Variants in ARHGDIG observed in about 807,000 individuals in gnomAD.
The protein encoded by ARHGDIG is rho GDP-dissociation inhibitor 3.
ARHGDIG carries 14 observed loss-of-function variants against 20.2 expected under a neutral mutation model. The ratio of observed to expected loss-of-function variants is 0.69; its 90% confidence interval spans 0.46 to 1.08. The LOEUF is 1.08. Among genes scored for constraint, ARHGDIG ranks in the 50% least tolerant of loss-of-function variants. ARHGDIG has a pLI of 0.00. For synonymous variants in ARHGDIG, 193 were observed against 138.6 expected (o/e 1.39, Z -2.76); for missense variants, 311 against 301.8 (o/e 1.03, Z -0.23).
intron 1 of ARHGDIG, chr16:281,264 C>G (rs537708300): frequency 1.3e-5 from 2 of 158,086 alleles, no homozygotes; most frequent in South Asian, 2.0e-4. Context: ...TTCAGAGACC[C>G]CAGTCCAGAG....
Position 282,899 on chromosome 16 carries a change from A to T in ARHGDIG, c.*85A>T, listed in dbSNP as rs2052302992. 1 of 1,357,890 alleles carries T rather than the reference A, an allele frequency of 7.4e-7. No homozygotes were observed. Among genetic ancestry groups the T allele is most frequent in the Non-Finnish European group, 9.8e-7 (1 of 1,016,282 alleles). The allele number at this position is 1,357,890 out of a possible 1,614,324, so 84.1% of individuals were successfully genotyped here. On this transcript the variant is annotated 3_prime_UTR_variant, in exon 6 of 6. Coordinates refer to ENST00000219409, the MANE Select transcript of ARHGDIG (RefSeq NM_001176.4). ...CCCAGCACCCCCCGTGAGTGACCAGACCCTCCCCTGCTGCCCCTGCTGCCC... is the reference window on the plus strand; with the variant it reads ...CCCAGCACCCCCCGTGAGTGACCAGTCCCTCCCCTGCTGCCCCTGCTGCCC...
At chr16:281,610 C>T in intron 1 of ARHGDIG, 136 bp from the exon 2 acceptor site, 1 of 1,084,278 alleles carries the variant, frequency 9.2e-7, no homozygotes. Context: ...TGCTCGCTCT[C>T]TCCCTGAGCC....
Position 282,009 on chromosome 16 carries a change from T to G in ARHGDIG, c.254-16T>G. On this transcript the variant is annotated splice_polypyrimidine_tract_variant and intron_variant, in intron 2 of 5. Transcript: ENST00000219409. The stretch of plus-strand genomic sequence containing the variant: ...GGGGGTGGGGGGCATCCTGCAGACT[T>G]CCAGTTTCTCCTCAGACCCAAGCCT... The G allele has an allele frequency of 6.2e-7, 1 of 1,610,138 alleles. No individual in the cohort carries two copies. Among genetic ancestry groups the G allele is most frequent in the Non-Finnish European group, 8.5e-7 (1 of 1,178,914 alleles).
At chr16:281,415 G>C in intron 1 of ARHGDIG, 1 of 265,986 alleles carries the variant, frequency 3.8e-6, no homozygotes, top group Non-Finnish European at 7.2e-6. Flanking sequence ...CTCTCTAGCA[G>C]GTAGCCCCTG....
At chr16:282,567 G>GGGGGCCGGGGGGGGGGGGGGC in intron 5 of ARHGDIG, 37 bp downstream of exon 5, 2 of 957,410 alleles carry the variant, frequency 2.1e-6, no homozygotes, top group Non-Finnish European at 3.0e-6. Context: ...GCGGGGGGGG[G>GGGGGCCGGGGGGGGGGGGGGC]AAGCGGGGGC....
At position 282,148 on chromosome 16, in the gene ARHGDIG, C is replaced by A. The variant is rs75289488; in HGVS notation, c.337+40C>A. 8 of 1,611,266 alleles carry A rather than the reference C, an allele frequency of 5.0e-6. No individual in the cohort carries two copies. In the African/African-American group the frequency reaches 9.3e-5, roughly 19 times the overall value. On this transcript the variant is annotated intron_variant, in intron 3 of 5. Transcript: ENST00000219409. ...GCTGCACCCTGAACACAGGTAGGGCCCTCCCAGGCACGCTTCTGCACCCCT... is the reference window on the plus strand; with the variant it reads ...GCTGCACCCTGAACACAGGTAGGGCACTCCCAGGCACGCTTCTGCACCCCT...
At position 280,822 on chromosome 16, in the gene ARHGDIG, C is replaced by T. The variant is rs2052275496; in HGVS notation, c.73+69C>T. On this transcript the variant is annotated intron_variant, in intron 1 of 5. Coordinates refer to ENST00000219409, the MANE Select transcript of ARHGDIG (RefSeq NM_001176.4). The surrounding 1 kb of genome is among the most constrained non-coding windows in gnomAD (Gnocchi z 6.6). ...CCCGGGCGGGGAGTAGCCCCTCCCC[C>T]GCGGCAACTTTGGGGGCGCGCATGG... is the stretch of plus-strand genomic sequence containing the variant. The T allele has an allele frequency of 9.0e-7, 1 of 1,115,458 alleles. No homozygotes were observed. Among genetic ancestry groups the T allele is most frequent in the Non-Finnish European group, 1.1e-6 (1 of 887,742 alleles). 69.1% of individuals were successfully genotyped at this position (1,115,458 alleles called of 1,614,324 possible).
chr16:282,558 C>CGGGGGGGGGGAGGGGGGG (rs61572786), intron 5 of ARHGDIG, 28 bp downstream of exon 5: 6 of 1,313,208 alleles, frequency 4.6e-6, no homozygotes, highest in Admixed American at 2.5e-5. Flanking sequence ...GGGAACGGGG[C>CGGGGGGGGGGAGGGGGGG]GGGGGGGGGA....
In ARHGDIG at chr16:280,949, C is replaced by G; in HGVS notation, c.73+196C>G. 3.9e-6 allele frequency: 1 copy of G among 259,166 alleles called. No individual in the cohort carries two copies. The allele number at this position is 259,166 out of a possible 1,614,324, so 16.1% of individuals were successfully genotyped here. A position where few individuals can be genotyped will look rare whatever the true frequency, so the allele number is the denominator to read the frequency against. ...AAGGGACCAGGTGCGGACGGGTCGGCTTGGGAAGCGGCGGCGCTGGGACCC... is the reference window on the plus strand; with the variant it reads ...AAGGGACCAGGTGCGGACGGGTCGGGTTGGGAAGCGGCGGCGCTGGGACCC... On this transcript the variant is annotated intron_variant, in intron 1 of 5. Transcript: ENST00000219409. This position sits in a 1 kb window ranked among gnomAD's most constrained non-coding sequence, Gnocchi z 6.6.
In ARHGDIG at chr16:282,013, G is replaced by C. The variant is rs900313187; in HGVS notation, c.254-12G>C. ...GTGGGGGGCATCCTGCAGACTTCCAGTTTCTCCTCAGACCCAAGCCTGCCC... is the reference window on the plus strand; with the variant it reads ...GTGGGGGGCATCCTGCAGACTTCCACTTTCTCCTCAGACCCAAGCCTGCCC... On this transcript the variant is annotated splice_polypyrimidine_tract_variant and intron_variant, in intron 2 of 5. Coordinates refer to ENST00000219409, the MANE Select transcript of ARHGDIG (RefSeq NM_001176.4). 1 of 1,611,242 alleles carries C rather than the reference G, an allele frequency of 6.2e-7. No individual in the cohort carries two copies. Among genetic ancestry groups the C allele is most frequent in the African/African-American group, 1.3e-5 (1 of 74,822 alleles).
chr16:282,429 C>T (rs761286394), intron 4 of ARHGDIG, 38 bp from the exon 5 acceptor site: 1 of 1,612,108 alleles, frequency 6.2e-7, no homozygotes, highest in South Asian at 1.1e-5. Context: ...AGCCAGAGGC[C>T]TGGCCCCCAG....
At chr16:281,633 C>A (rs1567247635) in intron 1 of ARHGDIG, 113 bp from the exon 2 acceptor site, 2 of 1,270,610 alleles carry the variant, frequency 1.6e-6, no homozygotes, top group Non-Finnish European at 2.1e-6. Flanking sequence ...CAGAGGCTTC[C>A]CTTGAGTCCC....
rs774217485 is a variant in ARHGDIG at position 281,863 on chromosome 16, C to A, written c.191C>A (p.Pro64Gln). 6.2e-7 allele frequency: 1 copy of A among 1,611,118 alleles called. No homozygotes were observed. The highest frequency in any genetic ancestry group is 1.3e-5 in the African/African-American group (1 of 74,998). Residue 64 changes from proline (P) to glutamine (Q), a missense_variant, in exon 2 of 6, where the codon CCG (proline) becomes CAG (glutamine). By Grantham distance (76) the Pro-to-Gln change is moderately conservative (BLOSUM62 -1). Coordinates refer to ENST00000219409, the MANE Select transcript of ARHGDIG (RefSeq NM_001176.4). Reference protein sequence around the residue: ...KSLLEIRQLDPDDRSLAKYKR... With the variant: ...KSLLEIRQLDQDDRSLAKYKR... ...CTCTTGGAGATCCGGCAGCTGGACC[C>A]GGACGACAGGAGCCTGGCCAAGTAC... is the stretch of plus-strand genomic sequence containing the variant.
chr16:282,592 T>A, intron 5 of ARHGDIG, 23 bp from the exon 6 acceptor site: 1 of 1,574,182 alleles, frequency 6.4e-7, no homozygotes, highest in Non-Finnish European at 8.6e-7. Flanking sequence ...AGAGGACAGC[T>A]CTGATGCCCT....
Position 282,080 on chromosome 16 carries a change from T to G in ARHGDIG, c.309T>G (p.Ala103=). 2 of 1,612,758 alleles carry G rather than the reference T, an allele frequency of 1.2e-6. No individual in the cohort carries two copies. The highest frequency in any genetic ancestry group is 1.7e-6 in the Non-Finnish European group (2 of 1,179,920). Reference sequence around the variant, plus strand: ...GGCTGACACTCCTGTCGGAACAGGCTCCGGGGCCCGTCGTCATGGATCTCA... The same window carrying G: ...GGCTGACACTCCTGTCGGAACAGGCGCCGGGGCCCGTCGTCATGGATCTCA... ...VTRLTLLSEQ[A]PGPVVMDLTG... The change falls in exon 3 of 6, where the codon GCT becomes GCG. Residue 103 remains alanine, a synonymous_variant. Transcript: ENST00000219409.
At chr16:282,409 T>TGGGGGGG (rs1441543191) in intron 4 of ARHGDIG, 36 bp downstream of exon 4, 4 of 1,125,042 alleles carry the variant, frequency 3.6e-6, no homozygotes, top group Non-Finnish European at 5.3e-6. Context: ...GGGATGGGGG[T>TGGGGGGG]GGGGGCAACA....
At chr16:282,229 G>C in intron 3 of ARHGDIG, 68 bp from the exon 4 acceptor site, 5 of 1,608,528 alleles carry the variant, frequency 3.1e-6, no homozygotes, top group Admixed American at 1.7e-5. Flanking sequence ...CACACCCTAC[G>C]TGGGGGCTCC....
rs749477550 is a variant in ARHGDIG at position 282,156 on chromosome 16, G to A, written c.337+48G>A. 5 of 1,609,396 alleles carry A rather than the reference G, an allele frequency of 3.1e-6. No individual in the cohort carries two copies. The Admixed American group carries it at 6.7e-5, about 21-fold the overall frequency. Reference sequence around the variant, plus strand: ...CTGAACACAGGTAGGGCCCTCCCAGGCACGCTTCTGCACCCCTGAGTTCCG... The same window carrying A: ...CTGAACACAGGTAGGGCCCTCCCAGACACGCTTCTGCACCCCTGAGTTCCG... On this transcript the variant is annotated intron_variant, in intron 3 of 5. Coordinates refer to ENST00000219409, the MANE Select transcript of ARHGDIG (RefSeq NM_001176.4).
rs1469708666 is a variant in ARHGDIG at position 281,883 on chromosome 16, A to C, written c.211A>C (p.Lys71Gln). 5.0e-6 allele frequency: 8 copies of C among 1,609,908 alleles called. No homozygotes were observed. The highest frequency in any genetic ancestry group is 6.8e-6 in the Non-Finnish European group (8 of 1,179,738). The change falls in exon 2 of 6, where the codon AAG (lysine) becomes CAG (glutamine). Residue 71 changes from lysine (K) to glutamine (Q), a missense_variant. Transcript: ENST00000219409. ...GGACCCGGACGACAGGAGCCTGGCC[A>C]AGTACAAGCGGGTGCTGCTGGGGCC... Reference protein sequence around the residue: ...QLDPDDRSLAKYKRVLLGPLP... With the variant: ...QLDPDDRSLAQYKRVLLGPLP...
Sources: allele counts gnomAD v4.1 joint callset, GRCh38; gene constraint gnomAD v4.1.1; non-coding constraint Gnocchi (gnomAD v3.1); transcripts MANE v1.5; gene names NCBI Gene and HGNC (gene_info 2026-07-23, HGNC 2026-07-21).